CYP24A1: variants seen among roughly 807,000 people sequenced by gnomAD.
CYP24A1 encodes the protein cytochrome P450 family 24 subfamily A member 1.
Under a neutral mutation model 62.4 loss-of-function variants are expected in CYP24A1, and 68 were observed. The observed-to-expected ratio is 1.09, with a 90% confidence interval of 0.90 to 1.33. The LOEUF is 1.33. CYP24A1 is among the 40% of genes most tolerant of loss of function. CYP24A1 has a pLI of 0.00. For missense variants in CYP24A1, 787 were observed against 653.0 expected (o/e 1.21, Z -2.24); for synonymous variants, 267 against 253.0 (o/e 1.06, Z -0.52).
intron 5 of CYP24A1, 60 bp from the exon 6 acceptor site, chr20:54,164,623 G>T: frequency 1.2e-6 from 2 of 1,612,896 alleles, no homozygotes; most frequent in Admixed American, 1.7e-5. Context: ...GACAATGTTC[G>T]TTCTGGAAGA....
chr20:54,145,079 A>G, the CYP24A1 span, among the ~76,000 whole-genome samples: 2 of 152,174 alleles, frequency 1.3e-5, no homozygotes, highest in African/African-American at 2.4e-5. Flanking sequence ...TCCAGCAAAA[A>G]GTATGCTAGA....
chr20:54,162,602 A>G (rs2092656745), intron 7 of CYP24A1, 115 bp downstream of exon 7: 6 of 559,824 alleles, frequency 1.1e-5, no homozygotes, highest in South Asian at 3.7e-5. Context: ...ATTTTTGTGG[A>G]GTTGATGCTA....
Position 54,171,793 on chromosome 20 carries a change from A to G in CYP24A1, c.450-123T>C, listed in dbSNP as rs1022637747. 7.0e-6 allele frequency: 11 copies of G among 1,578,166 alleles called. No individual in the cohort carries two copies. The East Asian group carries it at 9.1e-5, about 13-fold the overall frequency. On this transcript the variant is annotated intron_variant, in intron 2 of 11. Coordinates refer to ENST00000216862, the MANE Select transcript of CYP24A1 (RefSeq NM_000782.5). ...CAAACACTGAGAATCATGCCAAGAA[A>G]TAGCCAGAGAATATTAGCATCAGAA...
intron 8 of CYP24A1, among the ~76,000 whole-genome samples, 176 bp downstream of exon 8, chr20:54,158,781 A>G (rs759472000): frequency 2.6e-5 from 4 of 152,234 alleles, no homozygotes; most frequent in Non-Finnish European, 4.4e-5. Flanking sequence ...GAATTTGCCC[A>G]AATGATTTAG....
At chr20:54,162,691 CA>C in intron 7 of CYP24A1, 25 bp downstream of exon 7, 1 of 1,486,418 alleles carries the variant, frequency 6.7e-7, no homozygotes, top group Admixed American at 1.7e-5. Flanking sequence ...GTTCATTTAG[CA>C]AACTCAAATC....
intron 7 of CYP24A1, among the ~76,000 whole-genome samples, chr20:54,159,677 A>G (rs190545511): frequency 6.6e-6 from 1 of 152,280 alleles, no homozygotes; most frequent in Non-Finnish European, 1.5e-5. Flanking sequence ...GCATGAGCCA[A>G]CTGTGCCTGA....
downstream of CYP24A1, among the ~76,000 whole-genome samples, chr20:54,150,747 C>T (rs149131997): frequency 4.1e-4 from 62 of 152,322 alleles, no homozygotes; most frequent in East Asian, 7.1e-3. Context: ...ATTCAATGGA[C>T]GTTAACATAT....
chr20:54,147,566 T>C, the CYP24A1 span, among the ~76,000 whole-genome samples: 2 of 152,186 alleles, frequency 1.3e-5, no homozygotes, highest in African/African-American at 4.8e-5. Context: ...AAATATGAGA[T>C]GGTGCATCTC....
At chr20:54,167,367 C>T (rs2092675742) in intron 4 of CYP24A1, among the ~76,000 whole-genome samples, 1 of 152,224 alleles carries the variant, frequency 6.6e-6, no homozygotes, top group South Asian at 2.1e-4. Flanking sequence ...CTCTGCTGGG[C>T]ACAATGGCTC....
At chr20:54,170,607 T>C (rs944405602) in intron 3 of CYP24A1, among the ~76,000 whole-genome samples, 1 of 152,220 alleles carries the variant, frequency 6.6e-6, no homozygotes, top group South Asian at 2.1e-4. Context: ...GATTTACCAC[T>C]ACTAGTTTAA....
At chr20:54,158,426 A>G (rs1004925361) in intron 8 of CYP24A1, among the ~76,000 whole-genome samples, 1 of 152,138 alleles carries the variant, frequency 6.6e-6, no homozygotes, top group African/African-American at 2.4e-5. Context: ...CCTTCATTCC[A>G]GACTAAAATG....
the CYP24A1 span, among the ~76,000 whole-genome samples, chr20:54,145,418 T>C: frequency 7.9e-5 from 12 of 152,060 alleles, no homozygotes; most frequent in Non-Finnish European, 1.6e-4. Flanking sequence ...GGCGGGCAGA[T>C]CATTTGAGGT....
chr20:54,162,295 T>C (rs1411241839), intron 7 of CYP24A1, among the ~76,000 whole-genome samples: 1 of 135,256 alleles, frequency 7.4e-6, no homozygotes, highest in African/African-American at 2.8e-5. Flanking sequence ...TGGGGTAACA[T>C]GTGCAACTGA....
chr20:54,149,953 C>T (rs776512789), downstream of CYP24A1, among the ~76,000 whole-genome samples: 3 of 152,126 alleles, frequency 2.0e-5, no homozygotes, highest in Non-Finnish European at 4.4e-5. Context: ...AGGTTGTTTT[C>T]ACCCACTAGA....
At chr20:54,154,939 T>TAAAAAAAAAAAAAAAAAAAAA (rs61165834) in intron 11 of CYP24A1, 178 bp from the exon 12 acceptor site, 1 of 49,856 alleles carries the variant, frequency 2.0e-5, no homozygotes, top group Non-Finnish European at 3.5e-5. Flanking sequence ...TTGGTCTTGG[T>TAAAAAAAAAAAAAAAAAAAAA]AAAAAAAAAA....
chr20:54,171,529 T>C (rs755385967), intron 3 of CYP24A1, 48 bp downstream of exon 3: 1 of 1,613,448 alleles, frequency 6.2e-7, no homozygotes, highest in South Asian at 1.1e-5. Flanking sequence ...TCCACCAATA[T>C]CCCTATGTCC....
chr20:54,169,486 C>T lies in CYP24A1; in HGVS notation c.640+106G>A. 3.8e-6 allele frequency: 6 copies of T among 1,580,728 alleles called. No individual in the cohort carries two copies. In the South Asian group the frequency reaches 6.8e-5, roughly 18 times the overall value. On this transcript the variant is annotated intron_variant, in intron 4 of 11. Coordinates refer to ENST00000216862, the MANE Select transcript of CYP24A1 (RefSeq NM_000782.5). Reference sequence around the variant, plus strand: ...ATTAAAAGGGCTGCTCTGGCCTTTCCCTAGGCAGCAATAATGCCTGTTTAC... The same window carrying T: ...ATTAAAAGGGCTGCTCTGGCCTTTCTCTAGGCAGCAATAATGCCTGTTTAC...
At chr20:54,172,085 G>T in intron 2 of CYP24A1, 1 of 275,434 alleles carries the variant, frequency 3.6e-6, no homozygotes, top group Non-Finnish European at 7.0e-6. Flanking sequence ...ATTGGTGTGG[G>T]CTTCATATTT....
chr20:54,151,666 G>A (rs1459943208), downstream of CYP24A1, among the ~76,000 whole-genome samples: 1 of 151,896 alleles, frequency 6.6e-6, no homozygotes, highest in Non-Finnish European at 1.5e-5. Flanking sequence ...CCTGCCTCAG[G>A]AGAATCTGCC....
Sources: gnomAD v4.1 joint callset for allele counts (sites outside exome capture counted in the v4.1 genomes callset) on GRCh38, gnomAD v4.1.1 for gene constraint, MANE v1.5 for transcripts, NCBI Gene and HGNC (gene_info 2026-07-23, HGNC 2026-07-21) for gene names.